SRPX: variants seen among roughly 807,000 people sequenced by gnomAD.
The protein encoded by SRPX is sushi repeat-containing protein SRPX.
A neutral mutation model predicts 38.1 loss-of-function variants in SRPX; 24 were observed. That is an observed-to-expected ratio of 0.63 (90% CI 0.46 to 0.89). SRPX has a LOEUF of 0.89. SRPX is among the 40% of genes least tolerant of loss of function. SRPX has a pLI of 0.00. For synonymous variants in SRPX, 184 were observed against 153.8 expected (o/e 1.20, Z -1.45); for missense variants, 416 against 377.8 (o/e 1.10, Z -0.84).
At chrX:38,173,320 A>T (rs1423951169) in intron 3 of SRPX, among the ~76,000 whole-genome samples, 1 of 112,493 alleles carries the variant, frequency 8.9e-6, no homozygotes, top group East Asian at 2.8e-4. Context: ...TCATGAAGCT[A>T]AAAGCCAGCC....
In SRPX at chrX:38,172,005, T is replaced by C. The variant is rs143056267; in HGVS notation, c.402A>G (p.Val134=). The C allele has an allele frequency of 3.3e-6, 4 of 1,210,185 alleles. No homozygotes were observed. Among genetic ancestry groups the C allele is most frequent in the Non-Finnish European group, 4.5e-6 (4 of 895,157 alleles). Residue 134 remains valine (V), a synonymous_variant, in exon 4 of 10, where the codon GTA becomes GTG. Transcript: ENST00000378533. The stretch of plus-strand genomic sequence containing the variant: ...ACCGGGAGTTAAAGTAGGCACCATC[T>C]ACACACTTAAACCCTCCATTTGCTG... ...AMPANGGFKC[V]DGAYFNSRCE... is the part of the protein sequence containing the mutation.
In SRPX at chrX:38,160,137, C is replaced by T. The variant is rs373067314; in HGVS notation, c.835G>A (p.Gly279Ser). ...TCACAGGTGGCTCCATAATTATCAC[C>T]GTCGCTGGAGCACTTCATGTAACCA... ...ENGYMKCSSDGDNYGATCEFS... is the reference protein window; with the variant it reads ...ENGYMKCSSDSDNYGATCEFS... Residue 279 changes from glycine (G) to serine (S), a missense_variant, in exon 7 of 10, where the codon GGT becomes AGT. Gly to Ser is a moderately conservative substitution (Grantham distance 56). Transcript: ENST00000378533. 9 of 1,211,830 alleles carry T rather than the reference C, an allele frequency of 7.4e-6. No homozygotes were observed. Among genetic ancestry groups the T allele is most frequent in the South Asian group, 1.8e-5 (1 of 56,946 alleles).
At chrX:38,162,382 T>C (rs1372609108) in intron 5 of SRPX, among the ~76,000 whole-genome samples, 2 of 112,043 alleles carry the variant, frequency 1.8e-5, no homozygotes, top group Non-Finnish European at 3.8e-5. Context: ...GACAGCCTTC[T>C]CTGAACTCCT....
chrX:38,195,457 T>A (rs1938983185), intron 1 of SRPX, among the ~76,000 whole-genome samples: 2 of 109,496 alleles, frequency 1.8e-5, no homozygotes. Flanking sequence ...TAATTTAAAA[T>A]TTTTCAAGCA....
At chrX:38,153,592 C>T (rs1938064527) in intron 9 of SRPX, among the ~76,000 whole-genome samples, 1 of 111,356 alleles carries the variant, frequency 9.0e-6, no homozygotes, top group Non-Finnish European at 1.9e-5. Context: ...TCCCAGCCTC[C>T]CTTAAAAGTG....
At chrX:38,156,831 T>A (rs1411024661) in intron 8 of SRPX, 65 bp downstream of exon 8, 2 of 1,145,185 alleles carry the variant, frequency 1.7e-6, no homozygotes, top group Admixed American at 2.8e-5. Context: ...TTGCTTTTAG[T>A]GAAATGGCTG....
At position 38,171,951 on chromosome X, in the gene SRPX, C is replaced by T. The variant is rs555263149; in HGVS notation, c.456G>A (p.Thr152=). The T allele has an allele frequency of 5.6e-5, 68 of 1,209,852 alleles. No individual in the cohort carries two copies. The South Asian group carries it at 1.0e-3, about 18-fold the overall frequency. Reference sequence around the variant, plus strand: ...ATGTGACGGTCCGCTCCCCTTTCAACGTGTATCCTGGTGAACAATAATACT... The same window carrying T: ...ATGTGACGGTCCGCTCCCCTTTCAATGTGTATCCTGGTGAACAATAATACT... The part of the protein sequence containing the change: ...RCEYYCSPGY[T]LKGERTVTCM... Residue 152 remains threonine (T), a synonymous_variant, in exon 4 of 10, where the codon ACG becomes ACA. Coordinates refer to ENST00000378533, the MANE Select transcript of SRPX (RefSeq NM_006307.5).
At position 38,220,803 on chromosome X, in the gene SRPX, C is replaced by A. The variant is rs1160692079; in HGVS notation, c.-11G>T. 2 of 1,087,881 alleles carry A rather than the reference C, an allele frequency of 1.8e-6. No individual in the cohort carries two copies. The highest frequency in any genetic ancestry group is 4.7e-5 in the South Asian group (2 of 42,883). The allele number at this position is 1,087,881 out of a possible 1,213,427, so 89.7% of individuals were successfully genotyped here. On this transcript the variant is annotated 5_prime_UTR_variant, in exon 1 of 10. Coordinates refer to ENST00000378533, the MANE Select transcript of SRPX (RefSeq NM_006307.5). ...TGCGGGGCTCCCCATGGCGAGCGGG[C>A]GCTTAGCTCGCCTCGGCAGCGCAGC...
intron 5 of SRPX, among the ~76,000 whole-genome samples, chrX:38,163,544 A>G (rs1412016229): frequency 1.8e-5 from 2 of 111,895 alleles, no homozygotes; most frequent in Non-Finnish European, 3.8e-5. Flanking sequence ...TTGCAGGGGT[A>G]CAGGCCCAAA....
At chrX:38,186,599 C>A (rs756978188) in intron 1 of SRPX, among the ~76,000 whole-genome samples, 19 of 111,885 alleles carry the variant, frequency 1.7e-4, no homozygotes, top group Non-Finnish European at 3.4e-4. Flanking sequence ...TAGGTCACTG[C>A]GGTAGATACT....
chrX:38,201,862 G>A (rs1401087426), intron 1 of SRPX, among the ~76,000 whole-genome samples: 1 of 110,309 alleles, frequency 9.1e-6, no homozygotes, highest in Non-Finnish European at 1.9e-5. Flanking sequence ...CTGAATTGGT[G>A]TTGCTCTGGT....
rs185338878 is a variant in SRPX at position 38,181,904 on chromosome X, A to C, written c.98-3560T>G. 3.4e-3 allele frequency among the ~76,000 whole-genome samples: 382 copies of C among 110,861 alleles called. 1 individual carries two copies. The highest frequency in any genetic ancestry group is 5.1e-3 in the Non-Finnish European group (271 of 52,920). On this transcript the variant is annotated intron_variant, in intron 1 of 9. Transcript: ENST00000378533. ...TTTGTAGATAAGAGAGGGGACTTTT[A>C]TGTGAACATAGATGAGTAAGGAGGA... is the stretch of plus-strand genomic sequence containing the variant.
chrX:38,167,513 A>T (rs1938385303), intron 4 of SRPX, among the ~76,000 whole-genome samples: 1 of 111,528 alleles, frequency 9.0e-6, no homozygotes, highest in Non-Finnish European at 1.9e-5. Context: ...TTTATAAGTT[A>T]TACATTTCCA....
intron 1 of SRPX, among the ~76,000 whole-genome samples, chrX:38,220,051 C>A (rs1304384329): frequency 3.5e-5 from 4 of 113,376 alleles, no homozygotes; most frequent in Non-Finnish European, 7.5e-5. Flanking sequence ...CTCTGCCCAG[C>A]AGATCCTTGC....
chrX:38,220,699 G>A lies in SRPX; in HGVS notation c.94C>T (p.Pro32Ser). The A allele has an allele frequency of 8.5e-7, 1 of 1,181,010 alleles. No individual in the cohort carries two copies. Among genetic ancestry groups the A allele is most frequent in the South Asian group, 1.9e-5 (1 of 53,971 alleles). Residue 32 changes from proline (P) to serine (S), a missense_variant, in exon 1 of 10, where the codon CCA (proline) becomes TCA (serine). Physicochemically the swap from Pro to Ser is moderately conservative, Grantham distance 74. Transcript: ENST00000378533. ...GCAGCCACGCCTCCGATCCTACCTGGGAAGCTGCGGCTGGGCGGGACGCGC... is the reference window on the plus strand; with the variant it reads ...GCAGCCACGCCTCCGATCCTACCTGAGAAGCTGCGGCTGGGCGGGACGCGC... ...LLRVPPSRSFPGSGDSPLEDD... is the reference protein window; with the variant it reads ...LLRVPPSRSFSGSGDSPLEDD...
rs147690013 is a variant in SRPX at position 38,186,846 on chromosome X, C to T, written c.98-8502G>A. ...AAAGGTGAGTGGAAGGACAACCTTG[C>T]AGTATTTATGTTTCTAAGAACCCTG... On this transcript the variant is annotated intron_variant, in intron 1 of 9. Coordinates refer to ENST00000378533, the MANE Select transcript of SRPX (RefSeq NM_006307.5). Among the ~76,000 whole-genome samples the T allele has an allele frequency of 1.6e-3, 175 of 112,026 alleles. 1 individual carries two copies. The highest frequency in any genetic ancestry group is 2.3e-3 in the Non-Finnish European group (122 of 53,157).
At chrX:38,187,799 C>A (rs1938814657) in intron 1 of SRPX, among the ~76,000 whole-genome samples, 1 of 112,082 alleles carries the variant, frequency 8.9e-6, no homozygotes, top group Non-Finnish European at 1.9e-5. Flanking sequence ...GCTAAATCTG[C>A]AGAAGCTTCT....
intron 2 of SRPX, among the ~76,000 whole-genome samples, chrX:38,176,220 G>A (rs1028110557): frequency 9.0e-6 from 1 of 110,925 alleles, no homozygotes; most frequent in Admixed American, 9.6e-5. Context: ...AAGTGAAACC[G>A]CAGATAAGGG....
chrX:38,164,914 C>A lies in SRPX; in HGVS notation c.527-19G>T. Reference sequence around the variant, plus strand: ...TCCATATCTGAAAATATAACCAAAACATTCTCATCATCATCAAGAAATATC... The same window carrying A: ...TCCATATCTGAAAATATAACCAAAAAATTCTCATCATCATCAAGAAATATC... On this transcript the variant is annotated intron_variant, in intron 4 of 9. Coordinates refer to ENST00000378533, the MANE Select transcript of SRPX (RefSeq NM_006307.5). 3 of 1,200,693 alleles carry A rather than the reference C, an allele frequency of 2.5e-6. No homozygotes were observed. Among genetic ancestry groups the A allele is most frequent in the Non-Finnish European group, 3.4e-6 (3 of 888,576 alleles).
Sources: gnomAD v4.1 joint callset for allele counts (sites outside exome capture counted in the v4.1 genomes callset) on GRCh38, gnomAD v4.1.1 for gene constraint, MANE v1.5 for transcripts, NCBI Gene and HGNC (gene_info 2026-07-23, HGNC 2026-07-21) for gene names.